Variants in NPY2R observed in about 807,000 individuals in gnomAD.
The protein encoded by NPY2R is neuropeptide Y receptor type 2.
In NPY2R, 17 loss-of-function variants were observed where a neutral mutation model predicts 22.3. That is an observed-to-expected ratio of 0.76 (90% CI 0.52 to 1.14). The LOEUF (loss-of-function observed/expected upper bound fraction) is 1.14. NPY2R is among the 50% of genes most tolerant of loss of function. NPY2R has a pLI of 0.00. For synonymous variants in NPY2R, 209 were observed against 183.4 expected (o/e 1.14, Z -1.13); for missense variants, 424 against 467.9 (o/e 0.91, Z 0.87).
chr4:155,189,166 C>T, the NPY2R span, among the ~76,000 whole-genome samples: 2 of 152,134 alleles, frequency 1.3e-5, no homozygotes, highest in South Asian at 4.1e-4. Flanking sequence ...TCAGAAATGA[C>T]CACACTTTTT....
intron 1 of NPY2R, among the ~76,000 whole-genome samples, chr4:155,212,241 T>G (rs1296072532): frequency 6.6e-6 from 1 of 152,168 alleles, no homozygotes; most frequent in Non-Finnish European, 1.5e-5. Context: ...AGTGGCAGCC[T>G]TTTGTGATTA....
upstream of NPY2R, among the ~76,000 whole-genome samples, chr4:155,204,275 ATT>A (rs1041745502): frequency 2.0e-5 from 3 of 151,770 alleles, no homozygotes; most frequent in Non-Finnish European, 4.4e-5. Flanking sequence ...AAAGAAACTT[ATT>A]CTCTTGTGCT....
At chr4:155,212,331 A>T (rs1729422740) in intron 1 of NPY2R, among the ~76,000 whole-genome samples, 1 of 152,192 alleles carries the variant, frequency 6.6e-6, no homozygotes. Context: ...AACTTATATT[A>T]AAAAAATACA....
chr4:155,200,501 G>C, the NPY2R span, among the ~76,000 whole-genome samples: 2,235 of 152,164 alleles, frequency 0.015, 55 homozygotes, highest in African/African-American at 0.05. Flanking sequence ...TCCCATTACT[G>C]GGTATATACT....
At chr4:155,191,898 T>G in the NPY2R span, among the ~76,000 whole-genome samples, 1 of 151,900 alleles carries the variant, frequency 6.6e-6, no homozygotes, top group African/African-American at 2.4e-5. Flanking sequence ...CCATAAATAT[T>G]TTATTTTAAA....
chr4:155,213,137 G>C (rs1463918703), intron 1 of NPY2R, among the ~76,000 whole-genome samples: 1 of 151,982 alleles, frequency 6.6e-6, no homozygotes, highest in Non-Finnish European at 1.5e-5. Flanking sequence ...TAAAGGAGAG[G>C]GTGGGAATGG....
At chr4:155,185,000 G>A in the NPY2R span, among the ~76,000 whole-genome samples, 10 of 148,092 alleles carry the variant, frequency 6.8e-5, no homozygotes, top group South Asian at 2.1e-3. Context: ...AAATTGGAAT[G>A]AGAGAGAGTA....
At chr4:155,199,108 G>A in the NPY2R span, among the ~76,000 whole-genome samples, 7 of 151,938 alleles carry the variant, frequency 4.6e-5, no homozygotes, top group South Asian at 1.4e-3. Context: ...TGAACACCAT[G>A]TTCATCTAAG....
At chr4:155,191,225 A>G in the NPY2R span, among the ~76,000 whole-genome samples, 5 of 151,900 alleles carry the variant, frequency 3.3e-5, no homozygotes, top group Non-Finnish European at 7.4e-5. Flanking sequence ...ACAGGCACTT[A>G]ATACTTTGCT....
chr4:155,187,565 AGAGAGTCTTG>A, the NPY2R span, among the ~76,000 whole-genome samples: 6 of 152,154 alleles, frequency 3.9e-5, no homozygotes, highest in Admixed American at 6.6e-5. Context: ...AGAGAGAGAG[AGAGAGTCTTG>A]CCCTTACACA....
chr4:155,179,287 T>A, the NPY2R span, among the ~76,000 whole-genome samples: 1 of 152,220 alleles, frequency 6.6e-6, no homozygotes, highest in Non-Finnish European at 1.5e-5. Context: ...TTTTCCTGCT[T>A]CATTGTATGT....
the NPY2R span, among the ~76,000 whole-genome samples, chr4:155,179,023 T>C: frequency 6.6e-6 from 1 of 152,200 alleles, no homozygotes; most frequent in Non-Finnish European, 1.5e-5. Flanking sequence ...TCTTATTTCC[T>C]GCAAAGACCA....
chr4:155,207,568 C>T (rs1366367476), upstream of NPY2R: 1 of 152,302 alleles, frequency 6.6e-6, no homozygotes, highest in Non-Finnish European at 1.5e-5. Flanking sequence ...TGGCTGCAAA[C>T]TTTTAGAAGG....
At chr4:155,185,220 A>T in the NPY2R span, among the ~76,000 whole-genome samples, 89 of 151,938 alleles carry the variant, frequency 5.9e-4, no homozygotes, top group Middle Eastern at 3.4e-3. Flanking sequence ...TTGTATTTTT[A>T]GTAGAGACGG....
Position 155,214,394 on chromosome 4 carries a change from T to C in NPY2R, c.455T>C (p.Ile152Thr), listed in dbSNP as rs904404834. 6.2e-7 allele frequency: 1 copy of C among 1,614,090 alleles called. No homozygotes were observed. Among genetic ancestry groups the C allele is most frequent in the Non-Finnish European group, 8.5e-7 (1 of 1,180,006 alleles). ...ATTGCCCTGGACCGGCACAGGTGCA[T>C]CGTCTACCACCTAGAGAGCAAGATC... ...TVIALDRHRC[I>T]VYHLESKISK... The change falls in exon 2 of 2, where the codon ATC (isoleucine) becomes ACC (threonine). Residue 152 changes from isoleucine (I) to threonine (T), a missense_variant. Transcript: ENST00000329476.
At chr4:155,182,838 G>A in the NPY2R span, among the ~76,000 whole-genome samples, 1 of 152,024 alleles carries the variant, frequency 6.6e-6, no homozygotes, top group South Asian at 2.1e-4. Flanking sequence ...TTTCACCCAG[G>A]CTGGAGTGCA....
chr4:155,200,157 AAAAC>A, the NPY2R span, among the ~76,000 whole-genome samples: 1 of 152,196 alleles, frequency 6.6e-6, no homozygotes, highest in African/African-American at 2.4e-5. Flanking sequence ...TTTATAAGAA[AAAAC>A]AAACAACCCC....
chr4:155,203,122 C>T, the NPY2R span, among the ~76,000 whole-genome samples: 4 of 152,006 alleles, frequency 2.6e-5, no homozygotes, highest in South Asian at 8.3e-4. Flanking sequence ...GCTTATAATC[C>T]TGCTTAATTG....
rs755931893 is a variant in NPY2R at position 155,214,797 on chromosome 4, C to T, written c.858C>T (p.Ala286=). 3.1e-6 allele frequency: 5 copies of T among 1,613,010 alleles called. No homozygotes were observed. The East Asian group carries it at 6.7e-5, about 22-fold the overall frequency. Residue 286 remains alanine, a synonymous_variant, in exon 2 of 2, where the codon GCC becomes GCT. Transcript: ENST00000329476. ...CGGTCAGCTGGCTGCCTCTCCATGC[C>T]TTCCAGCTTGCCGTTGACATTGACA... ...VFAVSWLPLH[A]FQLAVDIDSQ... is the part of the protein sequence containing the mutation.
Sources: gnomAD v4.1 joint callset for allele counts (sites outside exome capture counted in the v4.1 genomes callset) on GRCh38, gnomAD v4.1.1 for gene constraint, MANE v1.5 for transcripts, NCBI Gene and HGNC (gene_info 2026-07-23, HGNC 2026-07-21) for gene names.